The following PFKFB1 variants were observed in gnomAD, a reference collection of about 807,000 sequenced individuals.
PFKFB1 encodes 6-phosphofructo-2-kinase/fructose-2,6-bisphosphatase 1.
PFKFB1 carries 34 observed loss-of-function variants against 46.4 expected under a neutral mutation model. The observed-to-expected ratio is 0.73, with a 90% CI of 0.56 to 0.98. The LOEUF (loss-of-function observed/expected upper bound fraction) is 0.98, where lower values mean the gene tolerates loss of function less well. Ranked by LOEUF, PFKFB1 falls within the 50% of genes least tolerant of loss-of-function variation. PFKFB1 has a pLI of 0.00. For missense variants in PFKFB1, 393 were observed against 376.3 expected (o/e 1.04, Z -0.37); for synonymous variants, 119 against 133.8 (o/e 0.89, Z 0.76).
At chrX:54,994,833 T>C (rs1935333980), upstream of PFKFB1, 2 of 753,336 alleles carry the variant, frequency 2.7e-6, no homozygotes. Context: ...GCTAAATAAA[T>C]AGGAGTAAAC....
chrX:54,972,506 C>T (rs1934702708), intron 1 of PFKFB1, among the ~76,000 whole-genome samples: 1 of 111,246 alleles, frequency 9.0e-6, no homozygotes. Flanking sequence ...ATTTGAGATA[C>T]GTCCCACCAA....
chrX:54,945,998 ATGT>A (rs1345262589), intron 9 of PFKFB1, among the ~76,000 whole-genome samples: 2 of 104,005 alleles, frequency 1.9e-5, no homozygotes, highest in African/African-American at 7.2e-5. Flanking sequence ...GTCTCAGCAT[ATGT>A]TGTGTGCTTG....
chrX:54,940,328 G>A (rs1302589274), intron 10 of PFKFB1, among the ~76,000 whole-genome samples: 8 of 111,482 alleles, frequency 7.2e-5, no homozygotes, highest in African/African-American at 2.6e-4. Flanking sequence ...TTGAAAACTG[G>A]CACAAGACAG....
intron 1 of PFKFB1, among the ~76,000 whole-genome samples, chrX:54,967,356 C>T (rs1934506563): frequency 8.9e-6 from 1 of 111,942 alleles, no homozygotes; most frequent in Non-Finnish European, 1.9e-5. Context: ...CAGAAGCACT[C>T]AGTGAAGAAA....
At chrX:54,965,346 AGAG>A in intron 1 of PFKFB1, among the ~76,000 whole-genome samples, 1 of 112,221 alleles carries the variant, frequency 8.9e-6, no homozygotes, top group South Asian at 3.7e-4. Context: ...AGAAGAACAA[AGAG>A]AAGAATTATA....
chrX:54,998,431 C>T (rs894687642), upstream of PFKFB1: 17 of 1,150,028 alleles, frequency 1.5e-5, no homozygotes, highest in Admixed American at 1.3e-4. Context: ...TTTTTTCTTC[C>T]ATCGCTAATT....
chrX:54,996,081 C>A (rs1402469630), upstream of PFKFB1, among the ~76,000 whole-genome samples: 2 of 112,124 alleles, frequency 1.8e-5, no homozygotes, highest in East Asian at 2.8e-4. Flanking sequence ...TAATTTCTCC[C>A]AGGCCAGGGC....
intron 1 of PFKFB1, among the ~76,000 whole-genome samples, chrX:54,975,198 C>G (rs998329338): frequency 1.8e-5 from 2 of 111,207 alleles, no homozygotes; most frequent in African/African-American, 6.5e-5. Flanking sequence ...ACTATGGAAT[C>G]AACTTAAATG....
rs752622815 is a variant in PFKFB1, at chrX:54,972,485, T to C, written c.98-9103A>G. On this transcript the variant is annotated intron_variant, in intron 1 of 13. Transcript: ENST00000375006. ...ATATTGGCTGTGGGTTTGTCATAGATAGCTCTTATTATTTGAGATACGTCC... is the reference window on the plus strand; with the variant it reads ...ATATTGGCTGTGGGTTTGTCATAGACAGCTCTTATTATTTGAGATACGTCC... Among the ~76,000 whole-genome samples, 171 of 111,024 alleles carry C rather than the reference T, an allele frequency of 1.5e-3. 1 individual carries two copies. The highest frequency in any genetic ancestry group is 5.4e-3 in the African/African-American group (166 of 30,532).
intron 1 of PFKFB1, among the ~76,000 whole-genome samples, chrX:54,981,199 T>G (rs1934978805): frequency 9.1e-6 from 1 of 110,468 alleles, no homozygotes; most frequent in Non-Finnish European, 1.9e-5. Flanking sequence ...AAAGAATTGA[T>G]GAAAGATACC....
intron 11 of PFKFB1, among the ~76,000 whole-genome samples, chrX:54,936,423 A>G (rs1003246666): frequency 8.1e-5 from 9 of 111,458 alleles, no homozygotes; most frequent in Non-Finnish European, 1.5e-4. Context: ...TCTGGCTCCC[A>G]GGACAGGTAG....
At position 54,951,975 on chromosome X, in the gene PFKFB1, TG is replaced by T; in HGVS notation, c.775del (p.His259MetfsTer41). On this transcript the variant is annotated frameshift_variant, in exon 8 of 14. Transcript: ENST00000375006. LOFTEE classifies it high-confidence loss of function. ...TCTGATGTTGAGTTCACTCTCGCCA[TG>T]TCGGCAAAGGTAGATGGAGCGAGGT... Reference protein sequence around the residue: ...VTPRSIYLCRHGESELNIRGR... With the variant: ...VTPRSIYLCRXGESELNIRGR... The T allele has an allele frequency of 8.3e-7, 1 of 1,211,222 alleles. No homozygotes were observed. The highest frequency in any genetic ancestry group is 1.1e-6 in the Non-Finnish European group (1 of 895,086).
chrX:54,951,410 T>C (rs1056903836), intron 8 of PFKFB1, among the ~76,000 whole-genome samples: 6 of 111,097 alleles, frequency 5.4e-5, no homozygotes, highest in African/African-American at 2.0e-4. Context: ...CTGTCATGAG[T>C]GGGGACAGGG....
intron 7 of PFKFB1, among the ~76,000 whole-genome samples, chrX:54,955,050 T>C (rs942044215): frequency 8.9e-6 from 1 of 112,176 alleles, no homozygotes; most frequent in Non-Finnish European, 1.9e-5. Flanking sequence ...TAAAAAGCCG[T>C]ACTTTCCTCA....
intron 4 of PFKFB1, 67 bp from the exon 5 acceptor site, chrX:54,958,992 ATCCC>A: frequency 1.5e-6 from 1 of 685,502 alleles, no homozygotes; most frequent in Non-Finnish European, 2.3e-6. Context: ...CTCTTTGCCC[ATCCC>A]TGTGCTAAGT....
chrX:54,984,362 T>C (rs965636495), intron 1 of PFKFB1, among the ~76,000 whole-genome samples: 5 of 111,790 alleles, frequency 4.5e-5, no homozygotes, highest in Non-Finnish European at 9.4e-5. Flanking sequence ...AGATACAAGA[T>C]CAACACACAA....
chrX:54,937,679 G>C lies in PFKFB1; in HGVS notation c.1144C>G (p.Leu382Val), dbSNP rs377564103. Residue 382 changes from leucine to valine, a missense_variant, in exon 11 of 14, where the codon CTA becomes GTA. Physicochemically the swap from Leu to Val is conservative, Grantham distance 32. Transcript: ENST00000375006. ...ACCAGTACATTCTCCTGTCGTTCTA[G>C]CTCCATTATCACTGGCTCCAGACGC... ...VQRLEPVIME[L>V]ERQENVLVIC... The C allele has an allele frequency of 2.5e-5, 30 of 1,204,252 alleles. No individual in the cohort carries two copies. The highest frequency in any genetic ancestry group is 3.3e-5 in the Non-Finnish European group (29 of 889,969).
chrX:54,933,950 T>C, intron 12 of PFKFB1, 65 bp from the exon 13 acceptor site: 1 of 851,468 alleles, frequency 1.2e-6, no homozygotes, highest in Admixed American at 2.3e-5. Context: ...CCCTGAGGTA[T>C]CACCTCCCCT....
chrX:54,933,849 G>A lies in PFKFB1; in HGVS notation c.1328C>T (p.Ala443Val). 1 of 1,209,953 alleles carries A rather than the reference G, an allele frequency of 8.3e-7. No individual in the cohort carries two copies. Among genetic ancestry groups the A allele is most frequent in the South Asian group, 1.8e-5 (1 of 56,893 alleles). The change falls in exon 13 of 14, where the codon GCC (alanine) becomes GTC (valine). Residue 443 changes from alanine to valine, a missense_variant. Ala to Val is a moderately conservative substitution (Grantham distance 64). Transcript: ENST00000375006. Reference sequence around the variant, plus strand: ...AGGCTTCTCCCGGTGTGTGTTCACGGCCTCCACATTCAGGTAGATGGATTC... The same window carrying A: ...AGGCTTCTCCCGGTGTGTGTTCACGACCTCCACATTCAGGTAGATGGATTC... ...KVESIYLNVE[A>V]VNTHREKPEN...
Sources: allele counts gnomAD v4.1 joint callset (sites outside exome capture counted in the v4.1 genomes callset), GRCh38; gene constraint gnomAD v4.1.1; transcripts MANE v1.5; gene names NCBI Gene and HGNC (gene_info 2026-07-23, HGNC 2026-07-21).